The following KCNK2 variants were observed in gnomAD, a reference collection of about 807,000 sequenced individuals.
KCNK2 encodes the protein potassium two pore domain channel subfamily K member 2.
In KCNK2, 21 loss-of-function variants were observed where a neutral mutation model predicts 40.5. That is an observed-to-expected ratio of 0.52 (90% confidence interval 0.37 to 0.75). The LOEUF is 0.75. Ranked by LOEUF, KCNK2 falls within the 30% of genes least tolerant of loss-of-function variation. The probability of loss-of-function intolerance (pLI) is 0.00; values close to 1 mark genes in which losing one functional copy is unlikely to be tolerated. For missense variants in KCNK2, 399 were observed against 531.6 expected (o/e 0.75, Z 2.45); for synonymous variants, 191 against 202.2 (o/e 0.94, Z 0.47).
At chr1:215,223,241 TAAAAAA>T (rs56890763) in intron 6 of KCNK2, among the ~76,000 whole-genome samples, 16 of 112,054 alleles carry the variant, frequency 1.4e-4, no homozygotes, top group Non-Finnish European at 2.5e-4. Flanking sequence ...AGCTCTTTTC[TAAAAAA>T]AAAAAAAAAA....
intron 2 of KCNK2, among the ~76,000 whole-genome samples, chr1:215,101,138 A>G (rs1660196013): frequency 6.6e-6 from 1 of 152,028 alleles, no homozygotes; most frequent in African/African-American, 2.4e-5. Context: ...GCTTTGTTCT[A>G]TGCATGGGAT....
At chr1:215,152,308 GCAC>G (rs1662720327) in intron 3 of KCNK2, among the ~76,000 whole-genome samples, 1 of 152,058 alleles carries the variant, frequency 6.6e-6, no homozygotes, top group Non-Finnish European at 1.5e-5. Flanking sequence ...ACCAGAAAAT[GCAC>G]CACAACTGAT....
intron 1 of KCNK2, among the ~76,000 whole-genome samples, chr1:215,052,668 G>C (rs1658030065): frequency 6.6e-6 from 1 of 152,186 alleles, no homozygotes; most frequent in Admixed American, 6.5e-5. Flanking sequence ...AACAGGAATT[G>C]TTAGCCCCCT....
intron 3 of KCNK2, among the ~76,000 whole-genome samples, chr1:215,133,393 G>A (rs563886696): frequency 1.3e-5 from 2 of 152,164 alleles, no homozygotes; most frequent in East Asian, 3.9e-4. Flanking sequence ...CCTAACTTCT[G>A]AAATGCAGAG....
intron 2 of KCNK2, among the ~76,000 whole-genome samples, chr1:215,120,409 G>A (rs1571635017): frequency 6.6e-6 from 1 of 152,044 alleles, no homozygotes; most frequent in Non-Finnish European, 1.5e-5. Context: ...CCATCACCTA[G>A]TACCATATAC....
At chr1:215,118,863 A>G (rs1379931224) in intron 2 of KCNK2, among the ~76,000 whole-genome samples, 1 of 152,160 alleles carries the variant, frequency 6.6e-6, no homozygotes, top group African/African-American at 2.4e-5. Context: ...AAAAGTGTTC[A>G]AATTATTAAT....
At chr1:215,084,182 GCACACACACACACACA>G (rs71945726) in intron 1 of KCNK2, among the ~76,000 whole-genome samples, 7 of 141,862 alleles carry the variant, frequency 4.9e-5, no homozygotes, top group African/African-American at 1.1e-4. Context: ...TTAGGTTAAT[GCACACACACACACACA>G]CACACACACA....
chr1:215,129,320 C>T (rs1423163464), intron 3 of KCNK2, among the ~76,000 whole-genome samples: 1 of 152,104 alleles, frequency 6.6e-6, no homozygotes, highest in Non-Finnish European at 1.5e-5. Context: ...CCCCTACCCC[C>T]ATTTTTTGTT....
At chr1:215,148,499 A>T (rs1301819725) in intron 3 of KCNK2, among the ~76,000 whole-genome samples, 1 of 152,180 alleles carries the variant, frequency 6.6e-6, no homozygotes, top group Non-Finnish European at 1.5e-5. Flanking sequence ...TCTAGATCTG[A>T]ATATGTCTAT....
intron 2 of KCNK2, among the ~76,000 whole-genome samples, chr1:215,117,017 T>C (rs557386139): frequency 7.9e-5 from 12 of 152,118 alleles, no homozygotes; most frequent in African/African-American, 2.9e-4. Flanking sequence ...TGATGCTAGG[T>C]TTTGAAAATC....
rs1390832935 is a variant in KCNK2 at position 215,007,143 on chromosome 1, G to GTA, written c.34+1189_34+1190insAT. On this transcript the variant is annotated intron_variant, in intron 1 of 6. Transcript: ENST00000391895. ...TATGTATATATATGTGTATATATAT[G>GTA]TGTATATATATATGTATGTATATAT... is the stretch of plus-strand genomic sequence containing the variant. 2.6e-5 allele frequency among the ~76,000 whole-genome samples: 3 copies of GTA among 113,264 alleles called. 1 individual carries two copies. Among genetic ancestry groups the GTA allele is most frequent in the African/African-American group, 1.3e-4 (3 of 23,112 alleles). The allele number at this position is 113,264 out of a possible 152,430, so 74.3% of individuals were successfully genotyped here. A position where few individuals can be genotyped will look rare whatever the true frequency, so the allele number is the denominator to read the frequency against.
intron 3 of KCNK2, among the ~76,000 whole-genome samples, chr1:215,145,104 G>A (rs1662357530): frequency 6.6e-6 from 1 of 152,052 alleles, no homozygotes; most frequent in Admixed American, 6.5e-5. Context: ...ATCATCATTA[G>A]CATCATCATC....
intron 2 of KCNK2, among the ~76,000 whole-genome samples, chr1:215,090,142 GCCACGGATA>G (rs1344040860): frequency 2.0e-5 from 3 of 152,048 alleles, no homozygotes; most frequent in African/African-American, 7.2e-5. Flanking sequence ...AATTTTAAGA[GCCACGGATA>G]CCATTAACAA....
At chr1:215,196,704 C>T (rs1447912996) in intron 6 of KCNK2, among the ~76,000 whole-genome samples, 4 of 150,894 alleles carry the variant, frequency 2.7e-5, no homozygotes, top group Non-Finnish European at 5.9e-5. Context: ...TGTGTGGGGG[C>T]GGTGGGAGAT....
intron 3 of KCNK2, among the ~76,000 whole-genome samples, chr1:215,150,812 CTAATA>C (rs1330501845): frequency 6.6e-6 from 1 of 151,792 alleles, no homozygotes; most frequent in Non-Finnish European, 1.5e-5. Flanking sequence ...CCACGCACAA[CTAATA>C]TATTTGTCTC....
chr1:215,195,038 C>G lies in KCNK2; in HGVS notation c.909C>G (p.Val303=). The G allele has an allele frequency of 6.2e-7, 1 of 1,613,074 alleles. No individual in the cohort carries two copies. The highest frequency in any genetic ancestry group is 8.5e-7 in the Non-Finnish European group (1 of 1,179,452). The change falls in exon 6 of 7, where the codon GTC becomes GTG. Residue 303 remains valine (V), a synonymous_variant. Coordinates refer to ENST00000444842, the MANE Select transcript of KCNK2 (RefSeq NM_001017425.3). ...ILVGLAYFAA[V]LSMIGDWLRV... is the part of the protein sequence containing the mutation. Reference sequence around the variant, plus strand: ...TAGGGCTTGCTTACTTTGCTGCTGTCCTGAGCATGATTGGAGATTGGCTCC... The same window carrying G: ...TAGGGCTTGCTTACTTTGCTGCTGTGCTGAGCATGATTGGAGATTGGCTCC...
At chr1:215,031,109 A>G (rs1314804363) in intron 1 of KCNK2, among the ~76,000 whole-genome samples, 3 of 152,014 alleles carry the variant, frequency 2.0e-5, no homozygotes, top group African/African-American at 4.8e-5. Flanking sequence ...TGATTTGTCT[A>G]TTCTTTCTCC....
intron 1 of KCNK2, among the ~76,000 whole-genome samples, chr1:215,052,173 C>A (rs902554260): frequency 6.6e-6 from 1 of 151,458 alleles, no homozygotes; most frequent in African/African-American, 2.4e-5. Flanking sequence ...GTAAACACAC[C>A]GAAAATTAAC....
chr1:215,218,998 G>T (rs1335238742), intron 6 of KCNK2, among the ~76,000 whole-genome samples: 3 of 152,148 alleles, frequency 2.0e-5, no homozygotes, highest in Non-Finnish European at 4.4e-5. Context: ...TGATTTGTAT[G>T]CTTCATTATT....
Sources: allele counts gnomAD v4.1 joint callset (sites outside exome capture counted in the v4.1 genomes callset), GRCh38; gene constraint gnomAD v4.1.1; transcripts MANE v1.5; gene names NCBI Gene and HGNC (gene_info 2026-07-23, HGNC 2026-07-21).